The following ADGB variants were observed in gnomAD, a reference collection of about 807,000 sequenced individuals.
The protein encoded by ADGB is calpain-7-like protein.
A neutral mutation model predicts 210.5 loss-of-function variants in ADGB; 172 were observed. The ratio of observed to expected loss-of-function variants is 0.82; its 90% confidence interval spans 0.72 to 0.93. The LOEUF (loss-of-function observed/expected upper bound fraction) is 0.93. Among genes scored for constraint, ADGB ranks in the 40% least tolerant of loss-of-function variants. The pLI is 0.00. For missense variants in ADGB, 2,025 were observed against 1,964.8 expected (o/e 1.03, Z -0.58); for synonymous variants, 658 against 662.7 (o/e 0.99, Z 0.11).
In ADGB at chr6:146,788,319, G is replaced by C. The variant is rs1294523008; in HGVS notation, c.4316-70G>C. On this transcript the variant is annotated intron_variant, in intron 32 of 35. Transcript: ENST00000397944. ...TCTAAATCTGTGCTCCCATCATCAA[G>C]CCCTGTTACTGTTTGCATGTGATTT... 65 of 1,356,188 alleles carry C rather than the reference G, an allele frequency of 4.8e-5. No homozygotes were observed. In the East Asian group the frequency reaches 1.6e-3, roughly 33 times the overall value. 84.0% of individuals were successfully genotyped at this position (1,356,188 alleles called of 1,614,324 possible).
At chr6:146,799,058 C>CAAAAGAAAAAAAA (rs1778085018) in intron 33 of ADGB, among the ~76,000 whole-genome samples, 1 of 63,534 alleles carries the variant, frequency 1.6e-5, no homozygotes. Context: ...TATGGAAATG[C>CAAAAGAAAAAAAA]AAAAAAAAAA....
intron 7 of ADGB, among the ~76,000 whole-genome samples, chr6:146,671,415 G>A (rs1321826771): frequency 6.6e-6 from 1 of 152,070 alleles, no homozygotes; most frequent in African/African-American, 2.4e-5. Context: ...TATTTGAAGG[G>A]GATTTTAAAG....
At chr6:146,672,125 A>G in intron 7 of ADGB, 95 bp from the exon 8 acceptor site, 1 of 1,375,538 alleles carries the variant, frequency 7.3e-7, no homozygotes, top group Non-Finnish European at 9.7e-7. Flanking sequence ...TATTCATTAA[A>G]TAGCAAGTTG....
At chr6:146,809,774 A>G (rs1778275971) in intron 35 of ADGB, among the ~76,000 whole-genome samples, 1 of 152,220 alleles carries the variant, frequency 6.6e-6, no homozygotes, top group African/African-American at 2.4e-5. Flanking sequence ...CAAAAGAATA[A>G]AATAGGAACA....
chr6:146,676,383 A>T lies in ADGB; in HGVS notation c.1158A>T (p.Ser386=), dbSNP rs896410561. 6.5e-7 allele frequency: 1 copy of T among 1,549,086 alleles called. No homozygotes were observed. Among genetic ancestry groups the T allele is most frequent in the Admixed American group, 2.0e-5 (1 of 50,800 alleles). The change falls in exon 9 of 36, where the codon TCA becomes TCT. Residue 386 remains serine, a synonymous_variant. Transcript: ENST00000397944. The part of the protein sequence containing the change: ...KDGEKEKFKF[S]LHGSRPSSEV... ...GAGAAAAAGAAAAATTCAAATTCTC[A>T]CTTCATGGTTCAAGACCCTCATCAG...
At chr6:146,635,574 T>G in intron 2 of ADGB, 37 bp downstream of exon 2, 1 of 1,464,102 alleles carries the variant, frequency 6.8e-7, no homozygotes, top group Non-Finnish European at 9.1e-7. Context: ...TTCATTTTGG[T>G]TTTTAATTTT....
chr6:146,667,372 G>A (rs1054390700), intron 7 of ADGB, among the ~76,000 whole-genome samples: 1 of 152,036 alleles, frequency 6.6e-6, no homozygotes, highest in Non-Finnish European at 1.5e-5. Flanking sequence ...GCCAGTAAGG[G>A]TCCAAAGCTG....
In ADGB at chr6:146,788,549, T is replaced by G; in HGVS notation, c.4476T>G (p.Ser1492Arg). Residue 1492 changes from serine (S) to arginine (R), a missense_variant, in exon 33 of 36, where the codon AGT becomes AGG. By Grantham distance (110) the Ser-to-Arg change is moderately radical (BLOSUM62 -1). Coordinates refer to ENST00000397944, the MANE Select transcript of ADGB (RefSeq NM_024694.4). The stretch of plus-strand genomic sequence containing the variant: ...TGGCAAAATCCACGAGTAGCGAAAG[T>G]GGAGGAGTGTCTTCACCAGGGAAAG... ...RDVAKSTSSE[S>R]GGVSSPGKEE... 1.9e-6 allele frequency: 3 copies of G among 1,551,398 alleles called. No homozygotes were observed. Among genetic ancestry groups the G allele is most frequent in the Non-Finnish European group, 2.6e-6 (3 of 1,146,856 alleles).
chr6:146,804,053 A>G (rs1778173957), intron 35 of ADGB, among the ~76,000 whole-genome samples: 1 of 152,302 alleles, frequency 6.6e-6, no homozygotes, highest in Non-Finnish European at 1.5e-5. Context: ...AACTTTTTGC[A>G]TCCAGATTAT....
intron 1 of ADGB, among the ~76,000 whole-genome samples, chr6:146,605,687 C>T (rs1469446051): frequency 6.6e-6 from 1 of 152,138 alleles, no homozygotes; most frequent in Non-Finnish European, 1.5e-5. Context: ...CCCGGGACAA[C>T]ACTTGGCACA....
chr6:146,768,547 G>T (rs1442121613), intron 28 of ADGB, among the ~76,000 whole-genome samples: 1 of 152,018 alleles, frequency 6.6e-6, no homozygotes, highest in Non-Finnish European at 1.5e-5. Context: ...AATAAAACTA[G>T]ATCACTAGCT....
In ADGB at chr6:146,726,041, C is replaced by G. The variant is rs1455046727; in HGVS notation, c.2238-42C>G. ...CAACTCACAGGTCAAATGCCACCAC[C>G]CAGGAAGCACTCGGTTATCATCCGG... is the stretch of plus-strand genomic sequence containing the variant. On this transcript the variant is annotated intron_variant, in intron 18 of 35. Transcript: ENST00000397944. 6 of 1,334,598 alleles carry G rather than the reference C, an allele frequency of 4.5e-6. No individual in the cohort carries two copies. The East Asian group carries it at 1.5e-4, about 34-fold the overall frequency. The allele number at this position is 1,334,598 out of a possible 1,614,324, so 82.7% of individuals were successfully genotyped here.
At chr6:146,626,092 G>T (rs77786611) in intron 1 of ADGB, among the ~76,000 whole-genome samples, 5,096 of 151,210 alleles carry the variant, frequency 0.034, 284 homozygotes, top group African/African-American at 0.11. Flanking sequence ...TTTGTTATTT[G>T]GGGTATTTCT....
intron 29 of ADGB, among the ~76,000 whole-genome samples, chr6:146,779,802 A>C: frequency 6.6e-6 from 1 of 152,006 alleles, no homozygotes; most frequent in Non-Finnish European, 1.5e-5. Context: ...AACAAACCGA[A>C]GCAGTTTGTT....
chr6:146,743,795 T>C (rs926480151), intron 25 of ADGB, among the ~76,000 whole-genome samples: 2 of 152,100 alleles, frequency 1.3e-5, no homozygotes, highest in African/African-American at 2.4e-5. Context: ...GCGCCTGTAG[T>C]CCCAGCTACT....
chr6:146,728,492 A>G (rs1448157936), intron 19 of ADGB, 82 bp from the exon 20 acceptor site: 1 of 1,312,960 alleles, frequency 7.6e-7, no homozygotes. Context: ...CAGAGATTTC[A>G]TATTTTAACA....
At chr6:146,700,262 G>A (rs1237624555) in intron 12 of ADGB, among the ~76,000 whole-genome samples, 1 of 152,198 alleles carries the variant, frequency 6.6e-6, no homozygotes, top group East Asian at 1.9e-4. Flanking sequence ...TAGAATTGGA[G>A]ACTCAACCAA....
At chr6:146,657,669 C>T (rs1302229622) in intron 5 of ADGB, among the ~76,000 whole-genome samples, 1 of 152,144 alleles carries the variant, frequency 6.6e-6, no homozygotes, top group Non-Finnish European at 1.5e-5. Flanking sequence ...CCTCTTTCTT[C>T]TCTGATGTGG....
chr6:146,645,938 C>T (rs1775603386), intron 3 of ADGB, among the ~76,000 whole-genome samples: 1 of 151,844 alleles, frequency 6.6e-6, no homozygotes, highest in Admixed American at 6.6e-5. Context: ...TTTTAGATAA[C>T]ATTGACATGA....
Sources: allele counts gnomAD v4.1 joint callset (sites outside exome capture counted in the v4.1 genomes callset), GRCh38; gene constraint gnomAD v4.1.1; transcripts MANE v1.5; gene names NCBI Gene and HGNC (gene_info 2026-07-23, HGNC 2026-07-21).